Variants in DYNC1LI1 observed in about 807,000 individuals in gnomAD.
DYNC1LI1 encodes the protein dynein cytoplasmic 1 light intermediate chain 1.
Under a neutral mutation model 63.8 loss-of-function variants are expected in DYNC1LI1, and 19 were observed. That is an observed-to-expected ratio of 0.30 (90% CI 0.21 to 0.44). The LOEUF is 0.44. DYNC1LI1 is among the 20% of genes least tolerant of loss of function. The probability of loss-of-function intolerance (pLI) is 1.00; values close to 1 mark genes in which losing one functional copy is unlikely to be tolerated. For synonymous variants in DYNC1LI1, 225 were observed against 232.3 expected, an observed-to-expected ratio of 0.97 and a Z score of 0.28; for missense variants, 565 against 630.2, an observed-to-expected ratio of 0.90 and a Z score of 1.11.
At chr3:32,570,559 G>T in intron 1 of DYNC1LI1, 66 bp downstream of exon 1, 1 of 1,521,914 alleles carries the variant, frequency 6.6e-7, no homozygotes, top group Non-Finnish European at 8.8e-7. Flanking sequence ...GCGGGCACGG[G>T]ATCCCGAGGC....
chr3:32,570,312 C>A (rs1391278370), intron 2 of DYNC1LI1, 34 bp downstream of exon 2: 23 of 1,517,120 alleles, frequency 1.5e-5, no homozygotes, highest in Non-Finnish European at 2.1e-5. Flanking sequence ...CCGCTGGGGG[C>A]CGGGCGGGGC....
At chr3:32,550,507 C>A (rs1391167000) in intron 2 of DYNC1LI1, among the ~76,000 whole-genome samples, 2 of 152,218 alleles carry the variant, frequency 1.3e-5, no homozygotes, top group African/African-American at 4.8e-5. Context: ...GCAGCCATCA[C>A]TACAGCATGG....
intron 2 of DYNC1LI1, among the ~76,000 whole-genome samples, chr3:32,548,309 C>T (rs1697986076): frequency 1.3e-5 from 2 of 152,132 alleles, no homozygotes; most frequent in African/African-American, 4.8e-5. Context: ...CTGCGCACGC[C>T]TGGGGATCAA....
rs780687778 is a variant in DYNC1LI1 at position 32,537,119 on chromosome 3, T to C, written c.739-15A>G. 6 of 1,310,782 alleles carry C rather than the reference T, an allele frequency of 4.6e-6. No homozygotes were observed. The Admixed American group carries it at 9.1e-5, about 20-fold the overall frequency. The allele number at this position is 1,310,782 out of a possible 1,614,324, so 81.2% of individuals were successfully genotyped here. On this transcript the variant is annotated splice_polypyrimidine_tract_variant and intron_variant, in intron 5 of 12. Transcript: ENST00000273130. ...ATGGCATCACACTGTTAAGTTAAAA[T>C]AATTAAAAATAATACATTTAAAATA...
At chr3:32,560,353 A>T (rs537550080) in intron 2 of DYNC1LI1, among the ~76,000 whole-genome samples, 1 of 152,308 alleles carries the variant, frequency 6.6e-6, no homozygotes, top group East Asian at 1.9e-4. Context: ...GAATCACTTG[A>T]ACCAGGGAGA....
At chr3:32,534,737 GCAT>G in intron 6 of DYNC1LI1, 91 bp from the exon 7 acceptor site, 1 of 1,083,674 alleles carries the variant, frequency 9.2e-7, no homozygotes, top group Non-Finnish European at 1.3e-6. Flanking sequence ...TTATTTCTAT[GCAT>G]TTTAGTTTCA....
intron 2 of DYNC1LI1, among the ~76,000 whole-genome samples, chr3:32,565,561 G>C (rs1432577744): frequency 6.6e-6 from 1 of 152,176 alleles, no homozygotes; most frequent in Non-Finnish European, 1.5e-5. Flanking sequence ...TTTTCCTTTA[G>C]GGAGATTCTA....
Position 32,560,640 on chromosome 3 carries a change from T to TA in DYNC1LI1, c.220+9705dup, listed in dbSNP as rs150804744. ...GATCATTCAGCAATTCACATTACAT[T>TA]AAAAAAAAACAGAACTTATCCTTAA... On this transcript the variant is annotated intron_variant, in intron 2 of 12. Transcript: ENST00000273130. Among the ~76,000 whole-genome samples, 852 of 150,198 alleles carry TA rather than the reference T, an allele frequency of 5.7e-3. 7 individuals carry two copies. Among genetic ancestry groups the TA allele is most frequent in the African/African-American group, 0.016 (654 of 40,980 alleles).
At chr3:32,541,950 G>T (rs887188075) in intron 4 of DYNC1LI1, among the ~76,000 whole-genome samples, 3 of 152,034 alleles carry the variant, frequency 2.0e-5, no homozygotes, top group Non-Finnish European at 4.4e-5. Context: ...TATAGCATAG[G>T]ATTAAAATAG....
intron 2 of DYNC1LI1, among the ~76,000 whole-genome samples, chr3:32,560,004 A>G (rs1263138654): frequency 1.3e-5 from 2 of 152,184 alleles, no homozygotes; most frequent in Non-Finnish European, 2.9e-5. Context: ...TTGGTAGGTA[A>G]GAGTAGGGAG....
At chr3:32,540,941 G>A (rs550945322) in intron 5 of DYNC1LI1, 96 bp downstream of exon 5, 28 of 812,378 alleles carry the variant, frequency 3.4e-5, no homozygotes, top group African/African-American at 3.3e-4. Context: ...AATCATCTAG[G>A]AGAACTAATG....
At chr3:32,530,988 C>T (rs1575147743) in intron 8 of DYNC1LI1, 1 of 153,462 alleles carries the variant, frequency 6.5e-6, no homozygotes, top group Non-Finnish European at 1.5e-5. Flanking sequence ...GCAACTTCTC[C>T]CTTGTTTCTC....
chr3:32,547,133 C>T lies in DYNC1LI1; in HGVS notation c.221-1168G>A, dbSNP rs561857632. Among the ~76,000 whole-genome samples, 9 of 152,176 alleles carry T rather than the reference C, an allele frequency of 5.9e-5. No homozygotes were observed. The South Asian group carries it at 1.7e-3, about 28-fold the overall frequency. ...TGGCGCGCATCTGTAATCCCAGCTA[C>T]TCGGGAGACTGAGGCAGGAGAACTG... On this transcript the variant is annotated intron_variant, in intron 2 of 12. Coordinates refer to ENST00000273130, the MANE Select transcript of DYNC1LI1 (RefSeq NM_016141.4).
intron 3 of DYNC1LI1, 180 bp downstream of exon 3, chr3:32,545,669 C>A: frequency 1.6e-6 from 1 of 609,482 alleles, no homozygotes; most frequent in African/African-American, 1.9e-5. Context: ...TTAAAAGTAT[C>A]ATATATGAAT....
intron 5 of DYNC1LI1, among the ~76,000 whole-genome samples, chr3:32,538,048 A>T (rs71612102): frequency 0.22 from 7,754 of 34,838 alleles, 1,985 homozygotes; most frequent in Middle Eastern, 0.31. Context: ...TATATATATA[A>T]TTATATATAT....
At chr3:32,543,446 C>T (rs1697909667) in intron 4 of DYNC1LI1, among the ~76,000 whole-genome samples, 2 of 143,072 alleles carry the variant, frequency 1.4e-5, no homozygotes, top group Middle Eastern at 3.8e-3. Flanking sequence ...GTCGCCCAGG[C>T]TGGAGTACAG....
intron 8 of DYNC1LI1, chr3:32,530,739 T>G (rs1697685089): frequency 2.1e-6 from 1 of 487,324 alleles, no homozygotes; most frequent in Non-Finnish European, 3.7e-6. Flanking sequence ...TCTGTGCTGT[T>G]CAATATGGCA....
At chr3:32,539,701 AATT>A (rs1697852325) in intron 5 of DYNC1LI1, among the ~76,000 whole-genome samples, 1 of 150,444 alleles carries the variant, frequency 6.6e-6, no homozygotes, top group African/African-American at 2.5e-5. Context: ...ATGCCTGGCT[AATT>A]TTTTGTATTT....
chr3:32,527,152 G>A (rs933792623), intron 12 of DYNC1LI1, among the ~76,000 whole-genome samples: 3 of 152,094 alleles, frequency 2.0e-5, no homozygotes, highest in African/African-American at 7.2e-5. Flanking sequence ...GACCAGCCCG[G>A]CCAACATGGT....
Sources: allele counts gnomAD v4.1 joint callset (sites outside exome capture counted in the v4.1 genomes callset), GRCh38; gene constraint gnomAD v4.1.1; transcripts MANE v1.5; gene names NCBI Gene and HGNC (gene_info 2026-07-23, HGNC 2026-07-21).